Variants in GLDC observed in about 807,000 individuals in gnomAD.
The protein encoded by GLDC is glycine dehydrogenase (decarboxylating), mitochondrial.
GLDC carries 104 observed loss-of-function variants against 121.3 expected under a neutral mutation model. That is an observed-to-expected ratio of 0.86 (90% confidence interval 0.73 to 1.01). GLDC has a LOEUF of 1.01. GLDC is among the 50% of genes least tolerant of loss of function. The pLI, the probability that GLDC is intolerant of heterozygous loss-of-function variation, is 0.00. For synonymous variants in GLDC, 546 were observed against 480.6 expected (o/e 1.14, Z -1.78); for missense variants, 1,429 against 1,306.6 (o/e 1.09, Z -1.44).
At chr9:6,644,179 C>T (rs752852757) in intron 2 of GLDC, among the ~76,000 whole-genome samples, 2 of 151,482 alleles carry the variant, frequency 1.3e-5, no homozygotes. Context: ...TCTAAAGAAG[C>T]CTGGGGGAGG....
rs1289255222 is a variant in GLDC, at chr9:6,554,410, G to C, written c.2315+259C>G. On this transcript the variant is annotated intron_variant, in intron 19 of 24. Coordinates refer to ENST00000321612, the MANE Select transcript of GLDC (RefSeq NM_000170.3). ...GGTGAAGTTCCCTATTCATTATTCT[G>C]TTAATAAACCTGCTGTCTATGTGCA... Among the ~76,000 whole-genome samples the C allele has an allele frequency of 3.3e-5, 5 of 152,286 alleles. No individual in the cohort carries two copies. The East Asian group carries it at 7.7e-4, about 23-fold the overall frequency.
chr9:6,637,038 C>T (rs545337139), intron 2 of GLDC, among the ~76,000 whole-genome samples: 17 of 151,590 alleles, frequency 1.1e-4, no homozygotes, highest in East Asian at 3.9e-4. Flanking sequence ...GAGCCGAGAT[C>T]GTGCCATTGC....
At chr9:6,615,777 A>AT (rs1247449462) in intron 3 of GLDC, among the ~76,000 whole-genome samples, 3 of 151,752 alleles carry the variant, frequency 2.0e-5, no homozygotes, top group East Asian at 3.9e-4. Flanking sequence ...GGCCTGGCTA[A>AT]TTTTTTTTGT....
At chr9:6,556,044 G>A (rs954624358) in intron 18 of GLDC, 109 bp downstream of exon 18, 7 of 840,194 alleles carry the variant, frequency 8.3e-6, no homozygotes, top group African/African-American at 1.7e-5. Context: ...TCAGGTCGTG[G>A]GTCTGAGTTC....
chr9:6,610,465 G>A (rs1818829149), intron 3 of GLDC, 109 bp from the exon 4 acceptor site: 2 of 1,033,492 alleles, frequency 1.9e-6, no homozygotes, highest in African/African-American at 1.6e-5. Flanking sequence ...CTATCTTGAG[G>A]AGAATTACAT....
intron 15 of GLDC, among the ~76,000 whole-genome samples, chr9:6,572,359 G>T (rs146598182): frequency 6.6e-6 from 1 of 152,182 alleles, no homozygotes; most frequent in Non-Finnish European, 1.5e-5. Context: ...AAAGTACGAA[G>T]GAGGGTTACA....
chr9:6,596,479 G>A (rs1339336755), intron 8 of GLDC, among the ~76,000 whole-genome samples: 3 of 152,158 alleles, frequency 2.0e-5, no homozygotes, highest in East Asian at 3.8e-4. Context: ...AGTGGCTCAC[G>A]CCTGTAATCC....
chr9:6,553,589 A>T, intron 19 of GLDC, 80 bp from the exon 20 acceptor site: 1 of 1,408,386 alleles, frequency 7.1e-7, no homozygotes, highest in Non-Finnish European at 1.0e-6. Flanking sequence ...GCCCTCCCAG[A>T]AAGCCTTGTT....
chr9:6,643,326 C>T (rs562539000), intron 2 of GLDC, among the ~76,000 whole-genome samples: 2 of 151,774 alleles, frequency 1.3e-5, no homozygotes, highest in African/African-American at 2.4e-5. Context: ...ACAAAGGCAG[C>T]AGCCCTCAGC....
At chr9:6,637,807 A>G (rs1209138982) in intron 2 of GLDC, among the ~76,000 whole-genome samples, 1 of 152,032 alleles carries the variant, frequency 6.6e-6, no homozygotes, top group Non-Finnish European at 1.5e-5. Flanking sequence ...TTTTAATAAG[A>G]AAGGAAAAAC....
intron 15 of GLDC, among the ~76,000 whole-genome samples, chr9:6,583,881 G>A (rs1438937789): frequency 2.0e-5 from 3 of 152,164 alleles, no homozygotes; most frequent in African/African-American, 4.8e-5. Flanking sequence ...AAGAGGAACC[G>A]AAGAGTTACT....
intron 2 of GLDC, among the ~76,000 whole-genome samples, chr9:6,628,023 G>A (rs1465267074): frequency 6.6e-6 from 1 of 152,144 alleles, no homozygotes; most frequent in East Asian, 1.9e-4. Flanking sequence ...AAAAGTCCAT[G>A]ATCAGAGATC....
Position 6,595,095 on chromosome 9 carries a change from T to C in GLDC, c.1180A>G (p.Met394Val), listed in dbSNP as rs760240698. 42 of 1,612,674 alleles carry C rather than the reference T, an allele frequency of 2.6e-5. No homozygotes were observed. The highest frequency in any genetic ancestry group is 3.3e-5 in the Non-Finnish European group (39 of 1,178,840). Residue 394 changes from methionine to valine, a missense_variant, in exon 9 of 25, where the codon ATG (methionine) becomes GTG (valine). Physicochemically the swap from Met to Val is conservative, Grantham distance 21. Coordinates refer to ENST00000321612, the MANE Select transcript of GLDC (RefSeq NM_000170.3). ...AQALLANMAAMFAIYHGSHGL... is the reference protein window; with the variant it reads ...AQALLANMAAVFAIYHGSHGL... ...TGGGAACCATGGTAGATTGCAAACA[T>C]GGCAGCCATATTCGCCAAGAGGGCC... is the stretch of plus-strand genomic sequence containing the variant.
intron 2 of GLDC, chr9:6,639,490 A>G (rs985093970): frequency 5.4e-5 from 47 of 874,102 alleles, no homozygotes; most frequent in Admixed American, 2.7e-4. Flanking sequence ...AAGAAGCTCT[A>G]TGACAATGAT....
At chr9:6,643,199 G>A (rs1345766734) in intron 2 of GLDC, among the ~76,000 whole-genome samples, 2 of 151,742 alleles carry the variant, frequency 1.3e-5, no homozygotes, top group Non-Finnish European at 2.9e-5. Context: ...TGCCCAGCCA[G>A]GATTCTGATT....
In GLDC at chr9:6,558,676, G is replaced by C. The variant is rs1192928029; in HGVS notation, c.1935C>G (p.Leu645=). ...TGGTCCCATGTGCTGATTTCGGAATGAGGCAAACCTACAGAATAGAAAGGA... is the reference window on the plus strand; with the variant it reads ...TGGTCCCATGTGCTGATTTCGGAATCAGGCAAACCTACAGAATAGAAAGGA... ...QKGEGHRTVC[L]IPKSAHGTNP... is the part of the protein sequence containing the mutation. Residue 645 remains leucine (L), a synonymous_variant, in exon 17 of 25, where the codon CTC becomes CTG. Transcript: ENST00000321612. 1.2e-6 allele frequency: 2 copies of C among 1,614,180 alleles called. No homozygotes were observed. Among genetic ancestry groups the C allele is most frequent in the South Asian group, 2.2e-5 (2 of 91,080 alleles).
chr9:6,539,928 A>T lies in GLDC; in HGVS notation c.2665+123T>A, dbSNP rs949825093. 6.6e-6 allele frequency: 5 copies of T among 759,608 alleles called. No individual in the cohort carries two copies. In the African/African-American group the frequency reaches 8.7e-5, roughly 13 times the overall value. The allele number at this position is 759,608 out of a possible 1,614,324, so 47.1% of individuals were successfully genotyped here. On this transcript the variant is annotated intron_variant, in intron 22 of 24. Coordinates refer to ENST00000321612, the MANE Select transcript of GLDC (RefSeq NM_000170.3). The stretch of plus-strand genomic sequence containing the variant: ...CTCTATTATTTTGGAGGTTGCCAAG[A>T]ACCCTGAGCTCCCCATTTATCCCCC...
At chr9:6,551,356 C>A (rs1270620944) in intron 20 of GLDC, among the ~76,000 whole-genome samples, 1 of 152,118 alleles carries the variant, frequency 6.6e-6, no homozygotes, top group East Asian at 1.9e-4. Context: ...CCCATTGTCC[C>A]TAGTAGAGGC....
At chr9:6,598,321 G>T (rs992490860) in intron 8 of GLDC, among the ~76,000 whole-genome samples, 1 of 152,124 alleles carries the variant, frequency 6.6e-6, no homozygotes, top group African/African-American at 2.4e-5. Flanking sequence ...GTGAGCCACC[G>T]CACCCTGTTT....
Sources: gnomAD v4.1 joint callset for allele counts (sites outside exome capture counted in the v4.1 genomes callset) on GRCh38, gnomAD v4.1.1 for gene constraint, MANE v1.5 for transcripts, NCBI Gene and HGNC (gene_info 2026-07-23, HGNC 2026-07-21) for gene names.